The following MYO3A variants were observed in gnomAD, a reference collection of about 807,000 sequenced individuals.
The protein encoded by MYO3A is myosin-IIIa.
MYO3A carries 180 observed loss-of-function variants against 192.7 expected under a neutral mutation model. The observed-to-expected ratio is 0.93, with a 90% CI of 0.83 to 1.06. The LOEUF is 1.06. MYO3A is among the 50% of genes least tolerant of loss of function. The probability of loss-of-function intolerance (pLI) is 0.00; values close to 1 mark genes in which losing one functional copy is unlikely to be tolerated. For synonymous variants in MYO3A, 628 were observed against 645.3 expected (o/e 0.97, Z 0.41); for missense variants, 1,896 against 1,905.0 (o/e 1.00, Z 0.09).
At chr10:26,141,907 A>C (rs1248649212) in intron 20 of MYO3A, among the ~76,000 whole-genome samples, 1 of 152,178 alleles carries the variant, frequency 6.6e-6, no homozygotes, top group African/African-American at 2.4e-5. Flanking sequence ...CAGCTTCATA[A>C]GGCCCCTACC....
intron 10 of MYO3A, among the ~76,000 whole-genome samples, chr10:26,061,412 G>C (rs1381273963): frequency 1.3e-5 from 2 of 152,196 alleles, no homozygotes; most frequent in Non-Finnish European, 2.9e-5. Context: ...CACAGAGAGG[G>C]TAATTTAAGA....
intron 14 of MYO3A, 75 bp from the exon 15 acceptor site, chr10:26,088,128 C>A: frequency 1.7e-6 from 2 of 1,205,232 alleles, no homozygotes; most frequent in Non-Finnish European, 2.3e-6. Flanking sequence ...AATTGCTTAC[C>A]AAAGAAGAGA....
At chr10:26,026,595 C>A in intron 10 of MYO3A, 63 bp downstream of exon 10, 1 of 1,584,222 alleles carries the variant, frequency 6.3e-7, no homozygotes, top group Middle Eastern at 1.7e-4. Flanking sequence ...AACAGTTTAA[C>A]AATGTATTAG....
intron 27 of MYO3A, among the ~76,000 whole-genome samples, chr10:26,167,675 C>A (rs1841829417): frequency 6.6e-6 from 1 of 152,124 alleles, no homozygotes; most frequent in Non-Finnish European, 1.5e-5. Context: ...CCTTTTTAAA[C>A]AGATTGAATT....
intron 2 of MYO3A, among the ~76,000 whole-genome samples, chr10:25,941,647 A>G (rs1175674831): frequency 1.3e-5 from 2 of 152,232 alleles, no homozygotes; most frequent in Non-Finnish European, 2.9e-5. Context: ...CTATTTTTAA[A>G]TGTGCAGTTG....
chr10:26,194,911 A>G (rs1208517613), intron 32 of MYO3A, among the ~76,000 whole-genome samples: 1 of 152,206 alleles, frequency 6.6e-6, no homozygotes, highest in Non-Finnish European at 1.5e-5. Context: ...ATATATACAC[A>G]CACATACACA....
chr10:26,096,483 A>C lies in MYO3A; in HGVS notation c.1661+4A>C. ...TGCCTGAAAATAAGCCTCCCAGGTA[A>C]TCTACCAGGTTGAGCTTTCATCAAT... On this transcript the variant is annotated splice_donor_region_variant and intron_variant, in intron 16 of 34. Coordinates refer to ENST00000642920, the MANE Select transcript of MYO3A (RefSeq NM_017433.5). 6.2e-7 allele frequency: 1 copy of C among 1,609,736 alleles called. No individual in the cohort carries two copies. The highest frequency in any genetic ancestry group is 8.5e-7 in the Non-Finnish European group (1 of 1,176,100).
chr10:26,191,322 C>T (rs537650897), intron 31 of MYO3A, among the ~76,000 whole-genome samples: 75 of 152,264 alleles, frequency 4.9e-4, no homozygotes, highest in African/African-American at 1.7e-3. Context: ...CATCTTTCCT[C>T]GTGCCTGTGA....
chr10:26,037,859 C>A (rs1350646181), intron 10 of MYO3A, among the ~76,000 whole-genome samples: 1 of 152,160 alleles, frequency 6.6e-6, no homozygotes, highest in Non-Finnish European at 1.5e-5. Context: ...ACAACCAGAT[C>A]TCATGACAAC....
chr10:26,182,418 A>G (rs971352728), intron 31 of MYO3A, among the ~76,000 whole-genome samples: 2 of 152,196 alleles, frequency 1.3e-5, no homozygotes, highest in South Asian at 2.1e-4. Context: ...AAATACTGGT[A>G]TATTTCAGCT....
At chr10:25,972,584 G>T (rs376109204) in intron 4 of MYO3A, among the ~76,000 whole-genome samples, 2 of 151,960 alleles carry the variant, frequency 1.3e-5, no homozygotes, top group Non-Finnish European at 2.9e-5. Flanking sequence ...AAGTTCCCTG[G>T]GTGGGGAACT....
chr10:26,168,727 T>C lies in MYO3A; in HGVS notation c.3127T>C (p.Tyr1043His). The C allele has an allele frequency of 6.2e-7, 1 of 1,613,046 alleles. No homozygotes were observed. Among genetic ancestry groups the C allele is most frequent in the Non-Finnish European group, 8.5e-7 (1 of 1,179,606 alleles). The change falls in exon 28 of 35, where the codon TAT (tyrosine) becomes CAT (histidine). Residue 1043 changes from tyrosine to histidine, a missense_variant. Coordinates refer to ENST00000642920, the MANE Select transcript of MYO3A (RefSeq NM_017433.5). ...LGKTKVFLKY[Y>H]HVEQLNLMRK... ...AATTTTTCAGGTGTTCCTTAAGTAT[T>C]ATCACGTGGAGCAGTTAAATCTAAT...
intron 34 of MYO3A, among the ~76,000 whole-genome samples, chr10:26,210,164 AAGGG>A (rs1457666572): frequency 1.3e-5 from 2 of 150,648 alleles, no homozygotes; most frequent in African/African-American, 2.4e-5. Context: ...GGAAGGAAGG[AAGGG>A]AGGGAGGGAA....
chr10:26,177,167 G>A (rs1030461889), intron 31 of MYO3A, among the ~76,000 whole-genome samples: 11 of 151,968 alleles, frequency 7.2e-5, no homozygotes, highest in Admixed American at 1.3e-4. Context: ...ATAAGAGAGC[G>A]CAAAAATAGA....
At chr10:26,089,313 G>A (rs1356077549) in intron 15 of MYO3A, among the ~76,000 whole-genome samples, 1 of 152,038 alleles carries the variant, frequency 6.6e-6, no homozygotes, top group Non-Finnish European at 1.5e-5. Context: ...TTAAAAATAT[G>A]GAAGGAGGCC....
At chr10:26,147,017 C>T (rs1340034976) in intron 22 of MYO3A, among the ~76,000 whole-genome samples, 1 of 152,150 alleles carries the variant, frequency 6.6e-6, no homozygotes, top group East Asian at 1.9e-4. Flanking sequence ...GTTTTTAAAT[C>T]ACACTACTAC....
chr10:26,179,317 G>A (rs2132070396), intron 31 of MYO3A, among the ~76,000 whole-genome samples: 1 of 151,446 alleles, frequency 6.6e-6, no homozygotes, highest in South Asian at 2.1e-4. Flanking sequence ...TGGCCAGGCT[G>A]ACCTCAAACT....
At chr10:26,097,535 C>G (rs900196141) in intron 17 of MYO3A, among the ~76,000 whole-genome samples, 3 of 152,028 alleles carry the variant, frequency 2.0e-5, no homozygotes, top group Non-Finnish European at 1.5e-5. Flanking sequence ...ATCCCTCCCC[C>G]CTGCCCCCAC....
intron 2 of MYO3A, 126 bp from the exon 3 acceptor site, chr10:25,951,968 A>G (rs1464160222): frequency 8.8e-6 from 6 of 678,666 alleles, no homozygotes; most frequent in African/African-American, 5.5e-5. Context: ...ACTCTGAAAT[A>G]TGTTTGGTTG....
Sources: gnomAD v4.1 joint callset for allele counts (sites outside exome capture counted in the v4.1 genomes callset) on GRCh38, gnomAD v4.1.1 for gene constraint, MANE v1.5 for transcripts, NCBI Gene and HGNC (gene_info 2026-07-23, HGNC 2026-07-21) for gene names.